CAMKMT: variants seen among roughly 807,000 people sequenced by gnomAD.
CAMKMT encodes the protein CaM KMT.
CAMKMT carries 53 observed loss-of-function variants against 48.0 expected under a neutral mutation model. The ratio of observed to expected loss-of-function variants is 1.10; its 90% CI spans 0.89 to 1.39. The LOEUF (loss-of-function observed/expected upper bound fraction) is 1.39. CAMKMT is among the 40% of genes most tolerant of loss of function. The pLI is 0.00. For synonymous variants in CAMKMT, 165 were observed against 152.3 expected, an observed-to-expected ratio of 1.08 and a Z score of -0.61; for missense variants, 428 against 402.7, an observed-to-expected ratio of 1.06 and a Z score of -0.54.
chr2:44,575,164 C>T (rs1165281862), intron 3 of CAMKMT, among the ~76,000 whole-genome samples: 12 of 152,018 alleles, frequency 7.9e-5, no homozygotes, highest in African/African-American at 1.9e-4. Context: ...CTGCAACCTC[C>T]GTCTCCCGGT....
At chr2:44,630,839 C>T (rs1281211998) in intron 3 of CAMKMT, among the ~76,000 whole-genome samples, 9 of 151,782 alleles carry the variant, frequency 5.9e-5, no homozygotes, top group East Asian at 5.8e-4. Context: ...GTCAGTGTGG[C>T]GATTCCTCAG....
chr2:44,758,316 G>C (rs903696622), intron 9 of CAMKMT, among the ~76,000 whole-genome samples: 2 of 152,198 alleles, frequency 1.3e-5, no homozygotes, highest in Non-Finnish European at 2.9e-5. Flanking sequence ...TGAATGAAGA[G>C]AGGTCCCCAG....
intron 3 of CAMKMT, among the ~76,000 whole-genome samples, chr2:44,536,816 G>A (rs992829614): frequency 6.6e-5 from 10 of 151,940 alleles, no homozygotes; most frequent in East Asian, 1.9e-4. Flanking sequence ...AAAAATTGAC[G>A]TATAGACCAA....
intron 3 of CAMKMT, among the ~76,000 whole-genome samples, chr2:44,409,171 A>G (rs1683015340): frequency 7.1e-5 from 1 of 14,054 alleles, no homozygotes; most frequent in Non-Finnish European, 1.5e-4. Context: ...ATATATATAT[A>G]TATATATATA....
At chr2:44,714,352 G>A (rs985770513) in intron 6 of CAMKMT, among the ~76,000 whole-genome samples, 10 of 152,160 alleles carry the variant, frequency 6.6e-5, no homozygotes, top group Admixed American at 6.5e-5. Flanking sequence ...TTGTAAATAT[G>A]GCGCTGGGTG....
At chr2:44,745,309 T>C (rs1366359187) in intron 8 of CAMKMT, among the ~76,000 whole-genome samples, 3 of 152,222 alleles carry the variant, frequency 2.0e-5, no homozygotes, top group East Asian at 1.9e-4. Flanking sequence ...CCTTGTGTTA[T>C]GGACACTCTC....
intron 3 of CAMKMT, among the ~76,000 whole-genome samples, chr2:44,694,991 C>T (rs192381366): frequency 2.0e-5 from 3 of 152,110 alleles, no homozygotes; most frequent in South Asian, 4.1e-4. Flanking sequence ...ACGTTTATAA[C>T]GTGTTTAGAG....
At chr2:44,412,502 A>G (rs962123670) in intron 3 of CAMKMT, among the ~76,000 whole-genome samples, 2 of 151,788 alleles carry the variant, frequency 1.3e-5, no homozygotes, top group Non-Finnish European at 2.9e-5. Flanking sequence ...CGCCCAGCTA[A>G]TTTTTTGTAT....
At chr2:44,702,989 A>G (rs1052641867) in intron 3 of CAMKMT, among the ~76,000 whole-genome samples, 5 of 152,196 alleles carry the variant, frequency 3.3e-5, no homozygotes, top group African/African-American at 7.2e-5. Context: ...CATTAAGACC[A>G]TCAGCAGAGT....
chr2:44,369,168 G>A (rs957820886), intron 1 of CAMKMT, among the ~76,000 whole-genome samples: 2 of 152,098 alleles, frequency 1.3e-5, no homozygotes, highest in Non-Finnish European at 2.9e-5. Flanking sequence ...ACAGGCATGA[G>A]CCACCATGCC....
intron 3 of CAMKMT, among the ~76,000 whole-genome samples, chr2:44,513,608 C>T (rs2104776143): frequency 6.6e-6 from 1 of 152,248 alleles, no homozygotes; most frequent in South Asian, 2.1e-4. Flanking sequence ...CTCTCGGGAC[C>T]ATAGGCCAGT....
At chr2:44,416,592 G>C (rs1282160331) in intron 3 of CAMKMT, among the ~76,000 whole-genome samples, 1 of 32,402 alleles carries the variant, frequency 3.1e-5, no homozygotes, top group Non-Finnish European at 5.2e-5. Context: ...TTTTTTTTTT[G>C]AGATGGAGTC....
chr2:44,686,236 A>G (rs1676327775), intron 3 of CAMKMT, among the ~76,000 whole-genome samples: 1 of 152,144 alleles, frequency 6.6e-6, no homozygotes, highest in East Asian at 1.9e-4. Flanking sequence ...TACTAAAAAT[A>G]CAAAAAATTA....
At chr2:44,508,411 GTATAGA>G (rs1670368206) in intron 3 of CAMKMT, among the ~76,000 whole-genome samples, 1 of 152,144 alleles carries the variant, frequency 6.6e-6, no homozygotes, top group Non-Finnish European at 1.5e-5. Flanking sequence ...ATACCTATAG[GTATAGA>G]ACCAGTTACA....
chr2:44,481,107 C>A (rs1038551455), intron 3 of CAMKMT, among the ~76,000 whole-genome samples: 1 of 151,804 alleles, frequency 6.6e-6, no homozygotes, highest in Non-Finnish European at 1.5e-5. Context: ...TTCCATTTCC[C>A]ATTTGGTGGA....
chr2:44,542,496 TACACAC>T (rs371102222), intron 3 of CAMKMT, among the ~76,000 whole-genome samples: 5,908 of 133,998 alleles, frequency 0.044, 108 homozygotes, highest in Middle Eastern at 0.11. Flanking sequence ...CACATACACA[TACACAC>T]ACACACACAC....
At chr2:44,595,464 A>G (rs1670596774) in intron 3 of CAMKMT, among the ~76,000 whole-genome samples, 1 of 152,322 alleles carries the variant, frequency 6.6e-6, no homozygotes, top group South Asian at 2.1e-4. Flanking sequence ...CTTCAAGGAG[A>G]GCTACAAACC....
rs536610020 is a variant in CAMKMT, at chr2:44,485,976, A to G, written c.376+95671A>G. 2.0e-5 allele frequency among the ~76,000 whole-genome samples: 3 copies of G among 151,200 alleles called. No homozygotes were observed. The South Asian group carries it at 6.3e-4, about 32-fold the overall frequency. On this transcript the variant is annotated intron_variant, in intron 3 of 10. Transcript: ENST00000378494. Reference sequence around the variant, plus strand: ...GGGTGTGTTCACTTTTTTTATTTTTATTTTTTGAGATGGAGTCTCACTCTG... The same window carrying G: ...GGGTGTGTTCACTTTTTTTATTTTTGTTTTTTGAGATGGAGTCTCACTCTG...
chr2:44,607,050 T>C (rs1220569009), intron 3 of CAMKMT, among the ~76,000 whole-genome samples: 1 of 152,218 alleles, frequency 6.6e-6, no homozygotes, highest in African/African-American at 2.4e-5. Flanking sequence ...ATTCTATGGT[T>C]TCAAGAAGTT....
Sources: gnomAD v4.1 joint callset for allele counts (sites outside exome capture counted in the v4.1 genomes callset) on GRCh38, gnomAD v4.1.1 for gene constraint, MANE v1.5 for transcripts, NCBI Gene and HGNC (gene_info 2026-07-23, HGNC 2026-07-21) for gene names.